Variants in DGLUCY observed in about 807,000 individuals in gnomAD.
DGLUCY encodes D-glutamate cyclase.
A neutral mutation model predicts 58.5 loss-of-function variants in DGLUCY; 58 were observed. That is an observed-to-expected ratio of 0.99 (90% CI 0.80 to 1.23). The LOEUF (loss-of-function observed/expected upper bound fraction) is 1.23, where lower values mean the gene tolerates loss of function less well. DGLUCY is among the 50% of genes most tolerant of loss of function. The pLI, the probability that DGLUCY is intolerant of heterozygous loss-of-function variation, is 0.00. For synonymous variants in DGLUCY, 325 were observed against 314.1 expected (o/e 1.03, Z -0.37); for missense variants, 779 against 784.7 (o/e 0.99, Z 0.09).
chr14:91,175,043 A>C (rs1344866932), intron 6 of DGLUCY, among the ~76,000 whole-genome samples: 1 of 152,180 alleles, frequency 6.6e-6, no homozygotes, highest in East Asian at 1.9e-4. Context: ...TAAAGCTCCT[A>C]TGAACTTCCA....
intron 1 of DGLUCY, among the ~76,000 whole-genome samples, chr14:91,154,727 G>T (rs577640574): frequency 1.8e-4 from 28 of 152,086 alleles, no homozygotes; most frequent in Non-Finnish European, 3.7e-4. Flanking sequence ...CCAACTTTGC[G>T]CTTTGGCTGC....
chr14:91,094,793 A>G (rs1002822863), intron 1 of DGLUCY, among the ~76,000 whole-genome samples: 3 of 151,812 alleles, frequency 2.0e-5, no homozygotes, highest in African/African-American at 7.3e-5. Context: ...ATTGCACCCT[A>G]GCCTGGGTGA....
At chr14:91,171,503 G>A (rs998795191) in intron 5 of DGLUCY, among the ~76,000 whole-genome samples, 19 of 152,322 alleles carry the variant, frequency 1.2e-4, no homozygotes, top group African/African-American at 4.6e-4. Flanking sequence ...ACCCCCAGAC[G>A]GGATGTGTCT....
intron 1 of DGLUCY, among the ~76,000 whole-genome samples, chr14:91,066,118 C>G (rs1235706465): frequency 6.6e-6 from 1 of 152,206 alleles, no homozygotes; most frequent in Non-Finnish European, 1.5e-5. Context: ...TGGCTCACGC[C>G]TGTAATCCCA....
intron 1 of DGLUCY, among the ~76,000 whole-genome samples, chr14:91,153,463 G>A (rs2047432874): frequency 6.6e-6 from 1 of 152,204 alleles, no homozygotes; most frequent in East Asian, 1.9e-4. Flanking sequence ...GATTGCAGGC[G>A]TGAGGCACCG....
intron 1 of DGLUCY, among the ~76,000 whole-genome samples, chr14:91,089,878 A>T (rs2044281751): frequency 6.6e-6 from 1 of 152,070 alleles, no homozygotes; most frequent in African/African-American, 2.4e-5. Flanking sequence ...AATTAAAAAT[A>T]AAATTTTTAT....
intron 8 of DGLUCY, 132 bp downstream of exon 8, chr14:91,181,521 T>C: frequency 3.6e-6 from 3 of 841,660 alleles, no homozygotes; most frequent in Non-Finnish European, 5.5e-6. Flanking sequence ...TAAATGTTGA[T>C]ACTGCATATA....
chr14:91,166,943 A>G (rs2048316825), intron 3 of DGLUCY, among the ~76,000 whole-genome samples: 1 of 152,186 alleles, frequency 6.6e-6, no homozygotes, highest in Non-Finnish European at 1.5e-5. Context: ...ACATGGGCCA[A>G]TAAATATCCC....
At chr14:91,079,936 C>T (rs1052340993) in intron 1 of DGLUCY, among the ~76,000 whole-genome samples, 4 of 152,140 alleles carry the variant, frequency 2.6e-5, no homozygotes, top group African/African-American at 4.8e-5. Context: ...TGTCATCCTC[C>T]GGACCCATTA....
intron 1 of DGLUCY, among the ~76,000 whole-genome samples, chr14:91,068,113 A>ACACACACACC (rs1471593010): frequency 6.9e-6 from 1 of 145,404 alleles, no homozygotes. Flanking sequence ...ACACACACAC[A>ACACACACACC]CACCCCTTGC....
chr14:91,178,472 A>G (rs2048987430), intron 7 of DGLUCY, among the ~76,000 whole-genome samples: 1 of 152,096 alleles, frequency 6.6e-6, no homozygotes, highest in Admixed American at 6.5e-5. Context: ...CTTGAACTTC[A>G]ATATTTAAAC....
chr14:91,097,168 A>G (rs1484522916), intron 1 of DGLUCY, among the ~76,000 whole-genome samples: 1 of 152,198 alleles, frequency 6.6e-6, no homozygotes, highest in East Asian at 1.9e-4. Context: ...AGTTCAAAGC[A>G]GGAAGACTGC....
chr14:91,076,171 A>G (rs1372792396), intron 1 of DGLUCY, among the ~76,000 whole-genome samples: 1 of 152,102 alleles, frequency 6.6e-6, no homozygotes, highest in Non-Finnish European at 1.5e-5. Context: ...TAGCTAGGTA[A>G]GAGAAGACAG....
At position 91,220,466 on chromosome 14, in the gene DGLUCY, T is replaced by C. The variant is rs1470191552; in HGVS notation, c.1717-4218T>C. Reference sequence around the variant, plus strand: ...AGTCAGGCTGGGGCAGGTGTCAGGGTGTCCCTGAGCCAGGCTTGATGGTGG... The same window carrying C: ...AGTCAGGCTGGGGCAGGTGTCAGGGCGTCCCTGAGCCAGGCTTGATGGTGG... On this transcript the variant is annotated intron_variant, in intron 13 of 13. Coordinates refer to ENST00000256324, the MANE Select transcript of DGLUCY (RefSeq NM_001102368.3). 4 of 456,150 alleles carry C rather than the reference T, an allele frequency of 8.8e-6. No individual in the cohort carries two copies. In the East Asian group the frequency reaches 2.1e-4, roughly 24 times the overall value. The allele number at this position is 456,150 out of a possible 1,614,324, so 28.3% of individuals were successfully genotyped here.
chr14:91,163,352 C>A (rs556350076), intron 3 of DGLUCY, among the ~76,000 whole-genome samples: 3 of 152,326 alleles, frequency 2.0e-5, no homozygotes, highest in Non-Finnish European at 4.4e-5. Flanking sequence ...TCTAAGCCAG[C>A]CAAATCCCCT....
At chr14:91,066,033 C>T (rs1379222920) in intron 1 of DGLUCY, among the ~76,000 whole-genome samples, 3 of 152,164 alleles carry the variant, frequency 2.0e-5, no homozygotes, top group Non-Finnish European at 4.4e-5. Flanking sequence ...CTGCTATGGC[C>T]AGAAGAGTAA....
At position 91,173,450 on chromosome 14, in the gene DGLUCY, C is replaced by T; in HGVS notation, c.607+11C>T. On this transcript the variant is annotated intron_variant, in intron 6 of 13. Transcript: ENST00000256324. ...ACATGGGCGACCCAGGTCAGTGTCT[C>T]TCGCTCCTGCCCATGATCTTCCTGT... 1 of 1,586,940 alleles carries T rather than the reference C, an allele frequency of 6.3e-7. No individual in the cohort carries two copies. The highest frequency in any genetic ancestry group is 8.6e-7 in the Non-Finnish European group (1 of 1,169,336).
chr14:91,188,882 C>A lies in DGLUCY; in HGVS notation c.935-28C>A, dbSNP rs772055838. ...ACAAATAATTTTAAAAATATAGTTACTTTTACATTCTATTTTTGTCATTTC... is the reference window on the plus strand; with the variant it reads ...ACAAATAATTTTAAAAATATAGTTAATTTTACATTCTATTTTTGTCATTTC... On this transcript the variant is annotated intron_variant, in intron 8 of 13. Transcript: ENST00000256324. 2.5e-6 allele frequency: 4 copies of A among 1,591,298 alleles called. No individual in the cohort carries two copies. In the African/African-American group the frequency reaches 4.1e-5, roughly 16 times the overall value.
At chr14:91,185,296 T>G (rs987765320) in intron 8 of DGLUCY, among the ~76,000 whole-genome samples, 2 of 142,490 alleles carry the variant, frequency 1.4e-5, no homozygotes, top group African/African-American at 5.4e-5. Context: ...TTTTTTTTTT[T>G]TTTTGAGACA....
Sources: gnomAD v4.1 joint callset for allele counts (sites outside exome capture counted in the v4.1 genomes callset) on GRCh38, gnomAD v4.1.1 for gene constraint, MANE v1.5 for transcripts, NCBI Gene and HGNC (gene_info 2026-07-23, HGNC 2026-07-21) for gene names.